The following WTAP variants were observed in gnomAD, a reference collection of about 807,000 sequenced individuals.
WTAP encodes the protein pre-mRNA-splicing regulator WTAP.
A neutral mutation model predicts 50.0 loss-of-function variants in WTAP; 8 were observed. That is an observed-to-expected ratio of 0.16 (90% CI 0.09 to 0.29). WTAP has a LOEUF of 0.29. Among genes scored for constraint, WTAP ranks in the 10% least tolerant of loss-of-function variants. The pLI, the probability that WTAP is intolerant of heterozygous loss-of-function variation, is 1.00. For synonymous variants in WTAP, 194 were observed against 169.0 expected, an observed-to-expected ratio of 1.15 and a Z score of -1.15; for missense variants, 295 against 470.7, an observed-to-expected ratio of 0.63 and a Z score of 3.45.
chr6:159,736,479 G>A (rs1778925081), intron 2 of WTAP, 184 bp downstream of exon 2: 1 of 449,528 alleles, frequency 2.2e-6, no homozygotes, highest in Non-Finnish European at 3.9e-6. Context: ...CTTATATCCA[G>A]TATATTTTTT....
chr6:159,726,955 G>A (rs769992655), upstream of WTAP: 28 of 1,287,190 alleles, frequency 2.2e-5, no homozygotes, highest in South Asian at 1.9e-4. Context: ...ACGGATGAGC[G>A]TCACGAACAC....
At chr6:159,751,526 G>A (rs1173490042) in intron 6 of WTAP, among the ~76,000 whole-genome samples, 1 of 152,220 alleles carries the variant, frequency 6.6e-6, no homozygotes, top group East Asian at 1.9e-4. Context: ...CTAAGTGGAT[G>A]TTCAGTGGAG....
chr6:159,727,486 G>C (rs182631265), upstream of WTAP: 4,159 of 993,178 alleles, frequency 4.2e-3, 166 homozygotes, highest in African/African-American at 0.067. Flanking sequence ...GGGCGGGGCC[G>C]GGCGGCGGGG....
At chr6:159,744,721 A>T (rs1779467445) in intron 5 of WTAP, among the ~76,000 whole-genome samples, 1 of 150,812 alleles carries the variant, frequency 6.6e-6, no homozygotes. Flanking sequence ...TTTCCCACTA[A>T]CCCCCCCGCC....
chr6:159,743,515 G>A, intron 4 of WTAP, 150 bp from the exon 5 acceptor site: 1 of 669,602 alleles, frequency 1.5e-6, no homozygotes, highest in African/African-American at 1.8e-5. Context: ...GAGCTCTCGT[G>A]ACCAGGAAGA....
At chr6:159,733,481 G>A (rs1436576810) in intron 1 of WTAP, among the ~76,000 whole-genome samples, 1 of 152,038 alleles carries the variant, frequency 6.6e-6, no homozygotes, top group Non-Finnish European at 1.5e-5. Flanking sequence ...AATTAACTGG[G>A]TGTGGTGGCA....
chr6:159,750,545 C>T (rs569409490), intron 6 of WTAP, among the ~76,000 whole-genome samples: 125 of 152,158 alleles, frequency 8.2e-4, no homozygotes, highest in Non-Finnish European at 1.4e-3. Context: ...AAGATAATTT[C>T]TATGCATATA....
chr6:159,727,122 C>T (rs1202368203), upstream of WTAP: 4 of 1,195,680 alleles, frequency 3.3e-6, no homozygotes, highest in Non-Finnish European at 1.1e-6. Context: ...TCGGCCGCTT[C>T]CCTTACTGAG....
In WTAP at chr6:159,755,723, GT is replaced by G. The variant is rs202118718; in HGVS notation, c.*121del. On this transcript the variant is annotated 3_prime_UTR_variant, in exon 8 of 8. Transcript: ENST00000621533. ...TGCCTTTTTGTGGGTGTACGTTTTG[GT>G]TTTTTTTTGTTGTTTTTTTTCTTTG... 54 of 834,316 alleles carry G rather than the reference GT, an allele frequency of 6.5e-5. No individual in the cohort carries two copies. The highest frequency in any genetic ancestry group is 1.1e-3 in the Middle Eastern group (2 of 1,886). The allele number at this position is 834,316 out of a possible 1,614,324, so 51.7% of individuals were successfully genotyped here. A position where few individuals can be genotyped will look rare whatever the true frequency, so the allele number is the denominator to read the frequency against.
chr6:159,742,126 G>T lies in WTAP; in HGVS notation c.125G>T (p.Gly42Val), dbSNP rs781599173. The change falls in exon 4 of 8, where the codon GGC becomes GTC. Residue 42 changes from glycine (G) to valine (V), a missense_variant. Gly to Val is a moderately radical substitution (Grantham distance 109). Transcript: ENST00000621533. ...QYEAYVQALEGKYTDLNSNDV... is the reference protein window; with the variant it reads ...QYEAYVQALEVKYTDLNSNDV... The stretch of plus-strand genomic sequence containing the variant: ...GAAGCATATGTACAAGCTTTGGAGG[G>T]CAAGTACACAGATCTTAACTGTAAG... 6.2e-7 allele frequency: 1 copy of T among 1,607,680 alleles called. No individual in the cohort carries two copies. Among genetic ancestry groups the T allele is most frequent in the Admixed American group, 1.7e-5 (1 of 58,688 alleles).
chr6:159,727,130 G>A (rs1778216326), upstream of WTAP: 1 of 1,195,628 alleles, frequency 8.4e-7, no homozygotes, highest in Non-Finnish European at 1.1e-6. Flanking sequence ...TTCCCTTACT[G>A]AGCTTGCTGA....
rs752929056 is a variant in WTAP, at chr6:159,755,548, G to C, written c.1128G>C (p.Val376=). The C allele has an allele frequency of 9.3e-6, 15 of 1,614,062 alleles. No individual in the cohort carries two copies. The highest frequency in any genetic ancestry group is 1.2e-5 in the Non-Finnish European group (14 of 1,180,010). ...TGAGTGGGAAAGGTAATCGAACTGT[G>C]GGTTCCCGCCACGTTCAGAATGGCT... ...KAVSGKGNRT[V]GSRHVQNGLD... The change falls in exon 8 of 8, where the codon GTG becomes GTC. Residue 376 remains valine (V), a synonymous_variant. Coordinates refer to ENST00000621533, the MANE Select transcript of WTAP (RefSeq NM_001270531.2).
In WTAP at chr6:159,748,361, G is replaced by T. The variant is rs1346483517; in HGVS notation, c.444G>T (p.Thr148=). 3 of 1,613,510 alleles carry T rather than the reference G, an allele frequency of 1.9e-6. No individual in the cohort carries two copies. Among genetic ancestry groups the T allele is most frequent in the Non-Finnish European group, 2.5e-6 (3 of 1,179,518 alleles). The change falls in exon 6 of 8, where the codon ACG becomes ACT. Residue 148 remains threonine, a synonymous_variant. Coordinates refer to ENST00000621533, the MANE Select transcript of WTAP (RefSeq NM_001270531.2). This position sits in a 1 kb window ranked among gnomAD's most constrained non-coding sequence, Gnocchi z 5.6. ...ATGAACTGAGTGCCTGGAAGTTTAC[G>T]CCTGATAGGTAAACAAATCATACTC... ...AQNELSAWKF[T]PDSQTGKKLM... is the part of the protein sequence containing the mutation.
At chr6:159,743,635 T>G in intron 4 of WTAP, 30 bp from the exon 5 acceptor site, 1 of 1,564,282 alleles carries the variant, frequency 6.4e-7, no homozygotes, top group Non-Finnish European at 8.6e-7. Flanking sequence ...ATCTTAAAAT[T>G]GTATTTATAA....
intron 1 of WTAP, among the ~76,000 whole-genome samples, chr6:159,734,375 CAAA>C (rs67668924): frequency 2.3e-5 from 3 of 130,766 alleles, no homozygotes; most frequent in Non-Finnish European, 3.2e-5. Context: ...GACTCCATCT[CAAA>C]AAAAAAAAAA....
chr6:159,743,592 C>T, intron 4 of WTAP, 73 bp from the exon 5 acceptor site: 1 of 1,397,482 alleles, frequency 7.2e-7, no homozygotes, highest in African/African-American at 1.5e-5. Flanking sequence ...GACCCTAGTT[C>T]TTATTGTTCT....
chr6:159,754,032 T>C (rs902202238), intron 7 of WTAP, among the ~76,000 whole-genome samples: 3 of 152,224 alleles, frequency 2.0e-5, no homozygotes, highest in Admixed American at 6.5e-5. Flanking sequence ...GTGAAGGTTT[T>C]ATTAGTGAAT....
Position 159,748,902 on chromosome 6 carries a change from G to A in WTAP, c.452+533G>A. ...CAATAAGACTGTGGACTTCATGATT[G>A]TTGTTGAACTTCTGGGTCAAAACTC... On this transcript the variant is annotated intron_variant, in intron 6 of 7. Coordinates refer to ENST00000621533, the MANE Select transcript of WTAP (RefSeq NM_001270531.2). This position sits in a 1 kb window ranked among gnomAD's most constrained non-coding sequence, Gnocchi z 5.6. 8.5e-7 allele frequency: 1 copy of A among 1,177,442 alleles called. No individual in the cohort carries two copies. Among genetic ancestry groups the A allele is most frequent in the Non-Finnish European group, 1.0e-6 (1 of 953,754 alleles). The allele number at this position is 1,177,442 out of a possible 1,614,324, so 72.9% of individuals were successfully genotyped here. A position where few individuals can be genotyped will look rare whatever the true frequency, so the allele number is the denominator to read the frequency against.
chr6:159,737,090 C>T (rs1297607616), intron 2 of WTAP, among the ~76,000 whole-genome samples: 1 of 152,174 alleles, frequency 6.6e-6, no homozygotes, highest in Non-Finnish European at 1.5e-5. Flanking sequence ...CTCTCTTGCC[C>T]AGGTTGGAGT....
Sources: gnomAD v4.1 joint callset for allele counts (sites outside exome capture counted in the v4.1 genomes callset) on GRCh38, gnomAD v4.1.1 for gene constraint, Gnocchi (gnomAD v3.1) non-coding constraint, MANE v1.5 for transcripts, NCBI Gene and HGNC (gene_info 2026-07-23, HGNC 2026-07-21) for gene names.